TTPAL: variants seen among roughly 807,000 people sequenced by gnomAD.
The protein encoded by TTPAL is alpha-tocopherol transfer protein-like.
In TTPAL, 21 loss-of-function variants were observed where a neutral mutation model predicts 28.7. The ratio of observed to expected loss-of-function variants is 0.73; its 90% CI spans 0.52 to 1.06. TTPAL has a LOEUF of 1.06. Among genes scored for constraint, TTPAL ranks in the 50% least tolerant of loss-of-function variants. The pLI is 0.00. For missense variants in TTPAL, 345 were observed against 425.5 expected (o/e 0.81, Z 1.67); for synonymous variants, 169 against 171.9 (o/e 0.98, Z 0.13).
chr20:44,482,917 G>A lies in TTPAL; in HGVS notation c.446-1420G>A, dbSNP rs558668194. On this transcript the variant is annotated intron_variant, in intron 2 of 4. Transcript: ENST00000262605. ...CTGTTGCCCATGTTGGAGTGCAGTG[G>A]CGCGATCTCGGCTCACTGTAACCTC... Among the ~76,000 whole-genome samples the A allele has an allele frequency of 3.3e-5, 5 of 152,116 alleles. No individual in the cohort carries two copies. In the South Asian group the frequency reaches 1.0e-3, roughly 32 times the overall value.
rs145448052 is a variant in TTPAL at position 44,485,626 on chromosome 20, A to AT, written c.640-969dup. Among the ~76,000 whole-genome samples, 21 of 152,318 alleles carry AT rather than the reference A, an allele frequency of 1.4e-4. No homozygotes were observed. In the East Asian group the frequency reaches 3.9e-3, roughly 28 times the overall value. Reference sequence around the variant, plus strand: ...ATAAATCAGTGCACATTTGGACATTATCAAACATTTGGATTCTGGCTTTGA... The same window carrying AT: ...ATAAATCAGTGCACATTTGGACATTATTCAAACATTTGGATTCTGGCTTTGA... On this transcript the variant is annotated intron_variant, in intron 3 of 4. Coordinates refer to ENST00000262605, the MANE Select transcript of TTPAL (RefSeq NM_001039199.3).
intron 3 of TTPAL, 80 bp downstream of exon 3, chr20:44,484,610 A>G: frequency 1.8e-6 from 2 of 1,091,326 alleles, no homozygotes; most frequent in Admixed American, 2.2e-5. Context: ...TGGGTCTCAC[A>G]TGATACACAA....
chr20:44,486,732 G>C, intron 4 of TTPAL, 26 bp downstream of exon 4: 1 of 1,377,468 alleles, frequency 7.3e-7, no homozygotes, highest in Middle Eastern at 1.8e-4. Context: ...ATTGACTTCA[G>C]ATTTTTCTTT....
rs1407519062 is a variant in TTPAL at position 44,484,437 on chromosome 20, A to G, written c.546A>G (p.Gly182=). Reference sequence around the variant, plus strand: ...AGTCTGAAGAAACCCAGGTGAATGGAATTGTAATTCTTGCAGACTACAAAG... The same window carrying G: ...AGTCTGAAGAAACCCAGGTGAATGGGATTGTAATTCTTGCAGACTACAAAG... ...LIQSEETQVN[G]IVILADYKGV... Residue 182 remains glycine, a synonymous_variant, in exon 3 of 5, where the codon GGA becomes GGG. Coordinates refer to ENST00000262605, the MANE Select transcript of TTPAL (RefSeq NM_001039199.3). 6.2e-7 allele frequency: 1 copy of G among 1,608,084 alleles called. No individual in the cohort carries two copies. Among genetic ancestry groups the G allele is most frequent in the Non-Finnish European group, 8.5e-7 (1 of 1,174,806 alleles).
chr20:44,488,964 G>A (rs1325936567), intron 4 of TTPAL, among the ~76,000 whole-genome samples: 1 of 152,192 alleles, frequency 6.6e-6, no homozygotes, highest in Non-Finnish European at 1.5e-5. Flanking sequence ...CCAGATAGGA[G>A]GCCACTGGAG....
intron 4 of TTPAL, 21 bp downstream of exon 4, chr20:44,486,727 C>T (rs1378990355): frequency 4.2e-6 from 6 of 1,412,086 alleles, no homozygotes; most frequent in Non-Finnish European, 5.9e-6. Context: ...ATCCTATTGA[C>T]TTCAGATTTT....
At chr20:44,489,131 T>C in intron 4 of TTPAL, 132 bp from the exon 5 acceptor site, 1 of 1,012,080 alleles carries the variant, frequency 9.9e-7, no homozygotes, top group South Asian at 1.7e-5. Context: ...GCTGAAAAAG[T>C]AAGGGTAGAG....
chr20:44,481,651 A>G (rs1398372618), intron 2 of TTPAL, among the ~76,000 whole-genome samples: 2 of 152,114 alleles, frequency 1.3e-5, no homozygotes, highest in Non-Finnish European at 2.9e-5. Context: ...ATTCATATAA[A>G]CGCCCTCTTG....
In TTPAL at chr20:44,477,104, A is replaced by G. The variant is rs191930149; in HGVS notation, c.-16+1113A>G. Among the ~76,000 whole-genome samples, 11 of 152,296 alleles carry G rather than the reference A, an allele frequency of 7.2e-5. 1 individual carries two copies. In the East Asian group the frequency reaches 2.1e-3, roughly 29 times the overall value. On this transcript the variant is annotated intron_variant, in intron 1 of 4. Coordinates refer to ENST00000262605, the MANE Select transcript of TTPAL (RefSeq NM_001039199.3). ...CAGAAGTGCACGAGTTATTCCAAGG[A>G]TGATGGGTTATTAGTTTGTTTTGAC... is the stretch of plus-strand genomic sequence containing the variant.
rs767251471 is a variant in TTPAL, at chr20:44,480,484, C to T, written c.445+40C>T. The T allele has an allele frequency of 1.5e-5, 23 of 1,526,098 alleles. No individual in the cohort carries two copies. In the East Asian group the frequency reaches 5.2e-4, roughly 35 times the overall value. The allele number at this position is 1,526,098 out of a possible 1,614,324, so 94.5% of individuals were successfully genotyped here. A position where few individuals can be genotyped will look rare whatever the true frequency, so the allele number is the denominator to read the frequency against. ...TGTTGTGGGGTGTGTGTGTCCAGTC[C>T]TTCTGCAGTGTGTCCATTCAGCACC... On this transcript the variant is annotated intron_variant, in intron 2 of 4. Transcript: ENST00000262605. The surrounding 1 kb of genome is among the most constrained non-coding windows in gnomAD (Gnocchi z 4.1).
intron 2 of TTPAL, among the ~76,000 whole-genome samples, chr20:44,481,340 T>G (rs1034700764): frequency 6.6e-6 from 1 of 151,910 alleles, no homozygotes; most frequent in Admixed American, 6.6e-5. Context: ...AGGCCAGGAG[T>G]TTGAGACCAG....
intron 2 of TTPAL, among the ~76,000 whole-genome samples, chr20:44,482,427 G>T (rs926958990): frequency 1.5e-5 from 2 of 132,010 alleles, no homozygotes; most frequent in Non-Finnish European, 3.2e-5. Flanking sequence ...ACAAAAATTA[G>T]CTGGGCGTGG....
At chr20:44,485,700 G>C (rs1259125984) in intron 3 of TTPAL, 2 of 152,164 alleles carry the variant, frequency 1.3e-5, no homozygotes, top group East Asian at 1.9e-4. Flanking sequence ...GCCTCCTCCT[G>C]AATACCTTGT....
At chr20:44,485,730 A>G (rs2064145657) in intron 3 of TTPAL, 1 of 152,228 alleles carries the variant, frequency 6.6e-6, no homozygotes, top group African/African-American at 2.4e-5. Context: ...TGTCAGGATC[A>G]AGAGTGTGGA....
intron 4 of TTPAL, among the ~76,000 whole-genome samples, chr20:44,487,107 C>A (rs550922183): frequency 6.6e-6 from 1 of 152,082 alleles, no homozygotes; most frequent in East Asian, 1.9e-4. Flanking sequence ...ATGGTGAAAC[C>A]CCGACTCTAC....
rs1208048715 is a variant in TTPAL at position 44,494,251 on chromosome 20, C to CT, written c.*4711dup. 6.6e-6 allele frequency: 1 copy of CT among 152,664 alleles called. No individual in the cohort carries two copies. The allele number at this position is 152,664 out of a possible 1,614,324, so 9.5% of individuals were successfully genotyped here. A position where few individuals can be genotyped will look rare whatever the true frequency, so the allele number is the denominator to read the frequency against. On this transcript the variant is annotated 3_prime_UTR_variant, in exon 5 of 5. Coordinates refer to ENST00000262605, the MANE Select transcript of TTPAL (RefSeq NM_001039199.3). Reference sequence around the variant, plus strand: ...GGTTTAGTGAGGCAGTGAGATGCTGCTGCTGTGGATTCTTGTAGCTATGCC... The same window carrying CT: ...GGTTTAGTGAGGCAGTGAGATGCTGCTTGCTGTGGATTCTTGTAGCTATGCC...
chr20:44,485,250 CTG>C (rs1012043065), intron 3 of TTPAL, among the ~76,000 whole-genome samples: 26 of 152,240 alleles, frequency 1.7e-4, no homozygotes, highest in African/African-American at 5.5e-4. Context: ...ACCTCATGTT[CTG>C]TGTTTCAGAA....
At chr20:44,482,616 C>T (rs2064116704) in intron 2 of TTPAL, among the ~76,000 whole-genome samples, 1 of 151,620 alleles carries the variant, frequency 6.6e-6, no homozygotes, top group South Asian at 2.1e-4. Context: ...TCACATATCC[C>T]ATTGTTGGCA....
At chr20:44,479,406 T>G (rs957420064) in intron 1 of TTPAL, among the ~76,000 whole-genome samples, 2 of 80,158 alleles carry the variant, frequency 2.5e-5, no homozygotes, top group Non-Finnish European at 2.3e-5. Context: ...GTTGTTTTTT[T>G]TTTTTTTTTT....
Sources: gnomAD v4.1 joint callset for allele counts (sites outside exome capture counted in the v4.1 genomes callset) on GRCh38, gnomAD v4.1.1 for gene constraint, Gnocchi (gnomAD v3.1) non-coding constraint, MANE v1.5 for transcripts, NCBI Gene and HGNC (gene_info 2026-07-23, HGNC 2026-07-21) for gene names.